The following VEZT variants were observed in gnomAD, a reference collection of about 807,000 sequenced individuals.
VEZT encodes vezatin.
A neutral mutation model predicts 79.9 loss-of-function variants in VEZT; 39 were observed. The ratio of observed to expected loss-of-function variants is 0.49; its 90% CI spans 0.38 to 0.64. The LOEUF (loss-of-function observed/expected upper bound fraction) is 0.64, where lower values mean the gene tolerates loss of function less well. Among genes scored for constraint, VEZT ranks in the 30% least tolerant of loss-of-function variants. The pLI, the probability that VEZT is intolerant of heterozygous loss-of-function variation, is 0.00. For missense variants in VEZT, 837 were observed against 893.1 expected, an observed-to-expected ratio of 0.94 and a Z score of 0.80; for synonymous variants, 325 against 327.6, an observed-to-expected ratio of 0.99 and a Z score of 0.09.
intron 1 of VEZT, among the ~76,000 whole-genome samples, chr12:95,220,602 A>G (rs1179890472): frequency 6.6e-6 from 1 of 152,068 alleles, no homozygotes. Flanking sequence ...TATTGTTTAG[A>G]CACTGTGCAT....
chr12:95,250,131 T>A (rs900222175), intron 1 of VEZT, among the ~76,000 whole-genome samples: 5 of 150,208 alleles, frequency 3.3e-5, no homozygotes, highest in African/African-American at 1.2e-4. Flanking sequence ...TAGTTACATA[T>A]GTATACATGT....
intron 4 of VEZT, among the ~76,000 whole-genome samples, chr12:95,264,079 G>A (rs2065048348): frequency 6.6e-6 from 1 of 152,194 alleles, no homozygotes. Flanking sequence ...TATTCAAACT[G>A]TTCAAGTTAT....
At chr12:95,230,991 G>A (rs1440945812) in intron 1 of VEZT, among the ~76,000 whole-genome samples, 1 of 152,092 alleles carries the variant, frequency 6.6e-6, no homozygotes, top group Non-Finnish European at 1.5e-5. Flanking sequence ...CTTCTGATGG[G>A]TATGTTTGAT....
In VEZT at chr12:95,257,196, T is replaced by C. The variant is rs74341000; in HGVS notation, c.215T>C (p.Phe72Ser). 5.5e-5 allele frequency: 89 copies of C among 1,611,716 alleles called. No individual in the cohort carries two copies. In the African/African-American group the frequency reaches 1.1e-3, roughly 20 times the overall value. The change falls in exon 3 of 12, where the codon TTT (phenylalanine) becomes TCT (serine). Residue 72 changes from phenylalanine to serine, a missense_variant. Coordinates refer to ENST00000436874, the MANE Select transcript of VEZT (RefSeq NM_017599.4). ...KVAETIKSWIFFSQCNKKDDL... is the reference protein window; with the variant it reads ...KVAETIKSWISFSQCNKKDDL... ...GCTGAAACCATCAAAAGTTGGATTT[T>C]TTTTTCTCAGTGCAATAAGAAAGAT...
At chr12:95,254,464 A>G (rs11107954) in intron 2 of VEZT, among the ~76,000 whole-genome samples, 17,129 of 147,640 alleles carry the variant, frequency 0.12, 1,264 homozygotes, top group East Asian at 0.17. Flanking sequence ...CTCCTGCCTC[A>G]GCTTCCCAAG....
intron 7 of VEZT, among the ~76,000 whole-genome samples, chr12:95,280,733 CTGTT>C (rs1378491045): frequency 1.3e-5 from 2 of 152,260 alleles, no homozygotes; most frequent in East Asian, 3.9e-4. Context: ...TTGCTCACTG[CTGTT>C]TATCTGCACC....
At chr12:95,219,614 C>T (rs1021190274) in intron 1 of VEZT, among the ~76,000 whole-genome samples, 1 of 152,056 alleles carries the variant, frequency 6.6e-6, no homozygotes, top group African/African-American at 2.4e-5. Flanking sequence ...CCATTGTAAT[C>T]AACAGTGATA....
At chr12:95,252,414 CT>C (rs1407593515) in intron 2 of VEZT, 1 of 163,612 alleles carries the variant, frequency 6.1e-6, no homozygotes, top group Non-Finnish European at 1.3e-5. Flanking sequence ...CTCTTTAAAT[CT>C]TTTTTTTAAA....
chr12:95,293,331 A>G (rs1057162305), intron 9 of VEZT, among the ~76,000 whole-genome samples: 1 of 152,224 alleles, frequency 6.6e-6, no homozygotes, highest in Non-Finnish European at 1.5e-5. Context: ...TTTCCCAAAT[A>G]CTTCTTTATT....
At chr12:95,272,810 G>A (rs1417333966) in intron 6 of VEZT, among the ~76,000 whole-genome samples, 1 of 152,224 alleles carries the variant, frequency 6.6e-6, no homozygotes, top group Admixed American at 6.5e-5. Context: ...AGACTGGAGT[G>A]TGGTGGCATG....
At chr12:95,293,837 C>A (rs1217436762) in intron 9 of VEZT, 1 of 154,554 alleles carries the variant, frequency 6.5e-6, no homozygotes, top group Non-Finnish European at 1.4e-5. Context: ...TTTATAAATA[C>A]AAAGTTATTA....
intron 11 of VEZT, among the ~76,000 whole-genome samples, chr12:95,298,675 C>T (rs556330139): frequency 1.3e-5 from 2 of 152,312 alleles, no homozygotes; most frequent in East Asian, 3.9e-4. Flanking sequence ...AATTCTAACA[C>T]ACTCGTCAAT....
At chr12:95,242,417 T>G (rs2061144140) in intron 1 of VEZT, 1 of 152,896 alleles carries the variant, frequency 6.5e-6, no homozygotes, top group Non-Finnish European at 1.5e-5. Flanking sequence ...GGTTTTTATT[T>G]TGTTTTGTTT....
chr12:95,269,525 A>C (rs1206245713), intron 5 of VEZT, among the ~76,000 whole-genome samples: 2 of 152,202 alleles, frequency 1.3e-5, no homozygotes, highest in Non-Finnish European at 2.9e-5. Flanking sequence ...ATTTCTATAC[A>C]GTATTTTTTC....
chr12:95,288,859 C>G (rs886356192), intron 9 of VEZT, among the ~76,000 whole-genome samples: 5 of 151,934 alleles, frequency 3.3e-5, no homozygotes, highest in African/African-American at 1.2e-4. Flanking sequence ...GATATGACAT[C>G]TAGAGCTTTT....
chr12:95,278,160 G>A (rs1041029860), intron 7 of VEZT, among the ~76,000 whole-genome samples: 20 of 152,192 alleles, frequency 1.3e-4, no homozygotes, highest in African/African-American at 4.8e-4. Context: ...ATGTTTGTCA[G>A]TTCAGTGCCT....
At chr12:95,232,979 T>C (rs984603291) in intron 1 of VEZT, among the ~76,000 whole-genome samples, 7 of 152,112 alleles carry the variant, frequency 4.6e-5, no homozygotes, top group African/African-American at 1.7e-4. Flanking sequence ...CTAATTTTTG[T>C]ATTTTTTGTG....
intron 2 of VEZT, among the ~76,000 whole-genome samples, chr12:95,253,667 A>G (rs972506406): frequency 1.6e-4 from 25 of 152,204 alleles, no homozygotes; most frequent in African/African-American, 5.8e-4. Flanking sequence ...TGGGTTTTAT[A>G]GGTATTATTG....
At position 95,300,334 on chromosome 12, in the gene VEZT, C is replaced by T. The variant is rs773072371; in HGVS notation, c.2001C>T (p.Asn667=). ...GTAGGACTGAGTATTTATGTGAAAACTCTCTAGAAGGTAAAAATAAAGATA... is the reference window on the plus strand; with the variant it reads ...GTAGGACTGAGTATTTATGTGAAAATTCTCTAGAAGGTAAAAATAAAGATA... The part of the protein sequence containing the change: ...EISRTEYLCE[N]SLEGKNKDNS... The change falls in exon 12 of 12, where the codon AAC becomes AAT. Residue 667 remains asparagine, a synonymous_variant. Transcript: ENST00000436874. 6 of 1,611,350 alleles carry T rather than the reference C, an allele frequency of 3.7e-6. No homozygotes were observed. The highest frequency in any genetic ancestry group is 2.2e-5 in the East Asian group (1 of 44,836).
Sources: allele counts gnomAD v4.1 joint callset (sites outside exome capture counted in the v4.1 genomes callset), GRCh38; gene constraint gnomAD v4.1.1; transcripts MANE v1.5; gene names NCBI Gene and HGNC (gene_info 2026-07-23, HGNC 2026-07-21).